ESPN: variants seen among roughly 807,000 people sequenced by gnomAD.
ESPN encodes the protein espin.
ESPN carries 68 observed loss-of-function variants against 77.7 expected under a neutral mutation model. That is an observed-to-expected ratio of 0.87 (90% CI 0.72 to 1.07). The LOEUF is 1.07. ESPN is among the 50% of genes least tolerant of loss of function. The pLI, the probability that ESPN is intolerant of heterozygous loss-of-function variation, is 0.00. For synonymous variants in ESPN, 449 were observed against 567.1 expected (o/e 0.79, Z 2.96); for missense variants, 1,060 against 1,239.0 (o/e 0.86, Z 2.17).
At chr1:6,425,465 A>G (rs1332806288) in intron 1 of ESPN, among the ~76,000 whole-genome samples, 3 of 152,204 alleles carry the variant, frequency 2.0e-5, no homozygotes, top group Admixed American at 2.0e-4. Flanking sequence ...GCTCCCTGGA[A>G]GCGCACCTGG....
intron 10 of ESPN, chr1:6,454,777 C>A: frequency 5.0e-6 from 2 of 397,952 alleles, no homozygotes; most frequent in Non-Finnish European, 8.9e-6. Flanking sequence ...CTGCTGGCTG[C>A]GCTGGGCGGC....
chr1:6,440,364 A>T lies in ESPN; in HGVS notation c.599A>T (p.His200Leu), dbSNP rs1643577371. Residue 200 changes from histidine (H) to leucine (L), a missense_variant, in exon 3 of 13, where the codon CAC becomes CTC. Physicochemically the swap from His to Leu is moderately conservative, Grantham distance 99. Coordinates refer to ENST00000645284, the MANE Select transcript of ESPN (RefSeq NM_031475.3). ...GTGCAGGAATGCGGCGCAGACCCGCACGCGCGCGCCCACGACGGCATGACC... is the reference window on the plus strand; with the variant it reads ...GTGCAGGAATGCGGCGCAGACCCGCTCGCGCGCGCCCACGACGGCATGACC... ...YLVQECGADP[H>L]ARAHDGMTPL... 6.3e-7 allele frequency: 1 copy of T among 1,586,586 alleles called. No individual in the cohort carries two copies.
chr1:6,442,463 A>T (rs1643670835), intron 5 of ESPN, among the ~76,000 whole-genome samples: 1 of 151,546 alleles, frequency 6.6e-6, no homozygotes, highest in Admixed American at 6.6e-5. Flanking sequence ...AGTCCCAGCT[A>T]CTCGGGAGGC....
At chr1:6,452,449 C>T (rs1441416574) in intron 10 of ESPN, among the ~76,000 whole-genome samples, 2 of 152,114 alleles carry the variant, frequency 1.3e-5, no homozygotes, top group African/African-American at 2.4e-5. Context: ...CCACCGTGCC[C>T]GGCCATTTTC....
intron 2 of ESPN, among the ~76,000 whole-genome samples, 164 bp from the exon 3 acceptor site, chr1:6,440,090 C>T (rs1376757125): frequency 2.6e-5 from 4 of 152,118 alleles, no homozygotes; most frequent in Non-Finnish European, 4.4e-5. Context: ...GCTCAGGACT[C>T]AGTCCAGGGG....
chr1:6,457,148 C>A (rs779084814), intron 10 of ESPN, 36 bp from the exon 11 acceptor site: 2 of 1,562,398 alleles, frequency 1.3e-6, no homozygotes, highest in Non-Finnish European at 1.7e-6. Context: ...ATCTCCCAGC[C>A]CCTGCAGGCC....
chr1:6,448,529 C>T (rs1480862298), intron 7 of ESPN, 112 bp from the exon 8 acceptor site: 1 of 928,474 alleles, frequency 1.1e-6, no homozygotes, highest in African/African-American at 1.8e-5. Context: ...CTGCTGCACC[C>T]CTCGACGGCC....
At chr1:6,449,293 T>C (rs1484683733) in intron 8 of ESPN, among the ~76,000 whole-genome samples, 2 of 152,256 alleles carry the variant, frequency 1.3e-5, no homozygotes, top group African/African-American at 2.4e-5. Flanking sequence ...ACGACCGGGC[T>C]GCACGGCCTG....
At position 6,456,349 on chromosome 1, in the gene ESPN, C is replaced by T. The variant is rs1460209415; in HGVS notation, c.2326-835C>T. On this transcript the variant is annotated intron_variant, in intron 10 of 12. Transcript: ENST00000645284. ...AGGGCCCAGGACCAGGCTGCCTCAGCCTCTGAGGTCCCATCGTGGCGGGCT... is the reference window on the plus strand; with the variant it reads ...AGGGCCCAGGACCAGGCTGCCTCAGTCTCTGAGGTCCCATCGTGGCGGGCT... 3 of 385,902 alleles carry T rather than the reference C, an allele frequency of 7.8e-6. No individual in the cohort carries two copies. In the East Asian group the frequency reaches 1.1e-4, roughly 14 times the overall value. 23.9% of individuals were successfully genotyped at this position (385,902 alleles called of 1,614,324 possible).
chr1:6,448,667 G>A lies in ESPN; in HGVS notation c.1491G>A (p.Gly497=), dbSNP rs1336726111. 2 of 1,560,082 alleles carry A rather than the reference G, an allele frequency of 1.3e-6. No individual in the cohort carries two copies. The highest frequency in any genetic ancestry group is 1.8e-5 in the Admixed American group (1 of 55,532). The change falls in exon 8 of 13, where the codon GGG becomes GGA. Residue 497 remains glycine, a synonymous_variant. Coordinates refer to ENST00000645284, the MANE Select transcript of ESPN (RefSeq NM_031475.3). ...KELSSCDGHD[G]LRRQDSSRKP... is the part of the protein sequence containing the mutation. ...TGAGCTCCTGTGACGGCCACGACGG[G>A]CTGCGGAGGCAGGACTCCAGCCGCA...
rs370822322 is a variant in ESPN at position 6,440,269 on chromosome 1, A to G, written c.504A>G (p.Gln168=). 1.8e-4 allele frequency: 286 copies of G among 1,549,872 alleles called. 1 individual carries two copies. In the East Asian group the frequency reaches 6.6e-3, roughly 36 times the overall value. ...GTCTCCGCAGGGGAGTGAATGCCCA[A>G]ACCAAGAACGGTGCCACGCCCCTGT... is the stretch of plus-strand genomic sequence containing the variant. ...VEHYPEGVNA[Q]TKNGATPLYL... Residue 168 remains glutamine, a synonymous_variant, in exon 3 of 13, where the codon CAA becomes CAG. Coordinates refer to ENST00000645284, the MANE Select transcript of ESPN (RefSeq NM_031475.3).
intron 2 of ESPN, among the ~76,000 whole-genome samples, chr1:6,433,606 C>CAAA (rs569450960): frequency 7.5e-5 from 10 of 132,626 alleles, no homozygotes; most frequent in South Asian, 4.9e-4. Context: ...GAATCCATTT[C>CAAA]AAAAAAAAAA....
chr1:6,435,671 A>G (rs964668724), intron 2 of ESPN, among the ~76,000 whole-genome samples: 17 of 152,148 alleles, frequency 1.1e-4, no homozygotes, highest in Non-Finnish European at 1.8e-4. Context: ...GGTCTCCCCA[A>G]AGACCCATCC....
At position 6,424,888 on chromosome 1, in the gene ESPN, G is replaced by T; in HGVS notation, c.-68G>T. 2 of 1,345,012 alleles carry T rather than the reference G, an allele frequency of 1.5e-6. No individual in the cohort carries two copies. Among genetic ancestry groups the T allele is most frequent in the Non-Finnish European group, 1.9e-6 (2 of 1,047,196 alleles). The allele number at this position is 1,345,012 out of a possible 1,614,324, so 83.3% of individuals were successfully genotyped here. On this transcript the variant is annotated 5_prime_UTR_variant, in exon 1 of 13. Transcript: ENST00000645284. ...GCCGCACCGCGGGCTCCTCTGGCCC[G>T]CAAGAACACGTGCATGGCGTCCTGG... is the stretch of plus-strand genomic sequence containing the variant.
intron 5 of ESPN, among the ~76,000 whole-genome samples, chr1:6,442,506 G>A (rs1485158188): frequency 6.6e-6 from 1 of 151,148 alleles, no homozygotes; most frequent in Admixed American, 6.6e-5. Context: ...CCCAGGAGAC[G>A]GAGGTTGCAG....
intron 2 of ESPN, 100 bp from the exon 3 acceptor site, chr1:6,440,154 C>T (rs1239327982): frequency 1.1e-5 from 14 of 1,308,808 alleles, no homozygotes; most frequent in Admixed American, 4.0e-5. Flanking sequence ...ACCCACTCTC[C>T]CTGCCGTCCA....
In ESPN at chr1:6,448,598, C is replaced by T. The variant is rs555468397; in HGVS notation, c.1465-43C>T. The T allele has an allele frequency of 2.6e-6, 4 of 1,520,528 alleles. No homozygotes were observed. The African/African-American group carries it at 5.6e-5, about 21-fold the overall frequency. The allele number at this position is 1,520,528 out of a possible 1,614,324, so 94.2% of individuals were successfully genotyped here. Reference sequence around the variant, plus strand: ...GGTGGGGAGGCGTGGGGGGCGCCTACCGGGCAGGTGCCCGAGCCCCACCGG... The same window carrying T: ...GGTGGGGAGGCGTGGGGGGCGCCTATCGGGCAGGTGCCCGAGCCCCACCGG... On this transcript the variant is annotated intron_variant, in intron 7 of 12. Transcript: ENST00000645284.
Position 6,425,064 on chromosome 1 carries a change from G to C in ESPN, c.109G>C (p.Ala37Pro), listed in dbSNP as rs1035697510. ...LGPSLRDPLDALPVHHAARAG... is the reference protein window; with the variant it reads ...LGPSLRDPLDPLPVHHAARAG... ...GCCCTCGCTGCGCGACCCGCTGGACGCGCTGCCCGTGCACCACGCGGCCCG... is the reference window on the plus strand; with the variant it reads ...GCCCTCGCTGCGCGACCCGCTGGACCCGCTGCCCGTGCACCACGCGGCCCG... Residue 37 changes from alanine to proline, a missense_variant, in exon 1 of 13, where the codon GCG becomes CCG. By Grantham distance (27) the Ala-to-Pro change is conservative. Around this residue, in one of 3 missense-constraint regions of ESPN, gnomAD observed 556 missense variants for 633.6 expected, o/e 0.88. Transcript: ENST00000645284. 7 of 1,473,392 alleles carry C rather than the reference G, an allele frequency of 4.8e-6. No homozygotes were observed. Among genetic ancestry groups the C allele is most frequent in the Non-Finnish European group, 6.3e-6 (7 of 1,119,674 alleles). 91.3% of individuals were successfully genotyped at this position (1,473,392 alleles called of 1,614,324 possible). A position where few individuals can be genotyped will look rare whatever the true frequency, so the allele number is the denominator to read the frequency against.
At position 6,450,157 on chromosome 1, in the gene ESPN, T is replaced by C. The variant is rs1426419944; in HGVS notation, c.1915+1066T>C. On this transcript the variant is annotated intron_variant, in intron 8 of 12. Transcript: ENST00000645284. The surrounding 1 kb of genome is among the most constrained non-coding windows in gnomAD (Gnocchi z 4.3). ...CCAGCACAGCCAGGGCTGGGTGCCCTACCCCAACCCAGTGCCAAGGTGGAG... is the reference window on the plus strand; with the variant it reads ...CCAGCACAGCCAGGGCTGGGTGCCCCACCCCAACCCAGTGCCAAGGTGGAG... 2.0e-5 allele frequency among the ~76,000 whole-genome samples: 3 copies of C among 151,928 alleles called. No homozygotes were observed. Among genetic ancestry groups the C allele is most frequent in the Non-Finnish European group, 1.5e-5 (1 of 67,958 alleles).
Sources: allele counts gnomAD v4.1 joint callset (sites outside exome capture counted in the v4.1 genomes callset), GRCh38; gene constraint gnomAD v4.1.1; regional missense constraint gnomAD v4.1.1; non-coding constraint Gnocchi (gnomAD v3.1); transcripts MANE v1.5; gene names NCBI Gene and HGNC (gene_info 2026-07-23, HGNC 2026-07-21).